The following SUGCT variants were observed in gnomAD, a reference collection of about 807,000 sequenced individuals.
SUGCT encodes the protein succinyl-CoA:glutarate CoA-transferase.
In SUGCT, 41 loss-of-function variants were observed where a neutral mutation model predicts 55.0. The ratio of observed to expected loss-of-function variants is 0.74; its 90% CI spans 0.58 to 0.97. The LOEUF is 0.97. Ranked by LOEUF, SUGCT falls within the 50% of genes least tolerant of loss-of-function variation. The pLI is 0.00. For missense variants in SUGCT, 568 were observed against 547.8 expected, an observed-to-expected ratio of 1.04 and a Z score of -0.37; for synonymous variants, 187 against 200.4, an observed-to-expected ratio of 0.93 and a Z score of 0.56.
intron 8 of SUGCT, among the ~76,000 whole-genome samples, chr7:40,301,652 C>A (rs553288513): frequency 6.6e-6 from 1 of 152,306 alleles, no homozygotes; most frequent in South Asian, 2.1e-4. Context: ...GGGAACCATT[C>A]CACAGAAGCT....
intron 12 of SUGCT, among the ~76,000 whole-genome samples, chr7:40,689,607 C>T (rs568296786): frequency 1.1e-4 from 17 of 152,154 alleles, no homozygotes; most frequent in Non-Finnish European, 2.4e-4. Flanking sequence ...ATATAGCCAA[C>T]ACAGAAAATC....
At chr7:40,242,933 A>AT (rs70996894) in intron 7 of SUGCT, among the ~76,000 whole-genome samples, 11 of 17,210 alleles carry the variant, frequency 6.4e-4, no homozygotes, top group Admixed American at 1.4e-3. Context: ...ATATATATAT[A>AT]TTTTTTTTTT....
intron 9 of SUGCT, among the ~76,000 whole-genome samples, chr7:40,345,972 T>A (rs994711087): frequency 6.6e-6 from 1 of 151,970 alleles, no homozygotes; most frequent in Non-Finnish European, 1.5e-5. Flanking sequence ...TATATTAATT[T>A]TTTGTACATG....
At chr7:40,408,690 C>T (rs1049053380) in intron 9 of SUGCT, among the ~76,000 whole-genome samples, 20 of 151,970 alleles carry the variant, frequency 1.3e-4, no homozygotes, top group African/African-American at 2.4e-4. Context: ...TTTCTAATTA[C>T]GAAATGGAAG....
chr7:40,437,088 T>C (rs1788219198), intron 9 of SUGCT, among the ~76,000 whole-genome samples: 1 of 152,232 alleles, frequency 6.6e-6, no homozygotes, highest in East Asian at 1.9e-4. Context: ...ACATGATAAC[T>C]GCCTTCTTGA....
chr7:40,562,035 C>T (rs948050861), intron 12 of SUGCT, among the ~76,000 whole-genome samples: 1 of 150,372 alleles, frequency 6.7e-6, no homozygotes, highest in Non-Finnish European at 1.5e-5. Context: ...CGCAGTGGCT[C>T]ATGCCTGTAA....
At chr7:40,620,995 A>G (rs995408547) in intron 12 of SUGCT, among the ~76,000 whole-genome samples, 12 of 152,152 alleles carry the variant, frequency 7.9e-5, no homozygotes, top group African/African-American at 2.9e-4. Context: ...CAGAGAGAGG[A>G]GGATGTTTTG....
At chr7:40,674,367 A>G (rs1224683245) in intron 12 of SUGCT, among the ~76,000 whole-genome samples, 2 of 152,230 alleles carry the variant, frequency 1.3e-5, no homozygotes, top group Non-Finnish European at 2.9e-5. Flanking sequence ...TAAGTCCTTT[A>G]AGGATGGGCA....
chr7:40,450,318 A>T lies in SUGCT; in HGVS notation c.888+960A>T, dbSNP rs1477061583. On this transcript the variant is annotated intron_variant, in intron 10 of 13. Transcript: ENST00000335693. ...AATTTTAGAACTTAGGTATCTGTTC[A>T]TTTTTTCTGGTTTTAATCCAAGTAA... Among the ~76,000 whole-genome samples the T allele has an allele frequency of 4.7e-5, 7 of 149,206 alleles. No homozygotes were observed. In the South Asian group the frequency reaches 1.5e-3, roughly 32 times the overall value.
intron 8 of SUGCT, among the ~76,000 whole-genome samples, chr7:40,296,428 G>C (rs576993852): frequency 3.3e-5 from 5 of 152,100 alleles, no homozygotes; most frequent in Non-Finnish European, 1.5e-5. Context: ...TCTGGAGAAG[G>C]CTTTTTGTGT....
At chr7:40,997,648 C>A in the SUGCT span, among the ~76,000 whole-genome samples, 3 of 152,154 alleles carry the variant, frequency 2.0e-5, no homozygotes, top group Non-Finnish European at 4.4e-5. Flanking sequence ...AAACGCATCA[C>A]CCTGGTTCAA....
chr7:40,860,412 G>A lies in SUGCT; in HGVS notation c.1250G>A (p.Arg417Lys). 7 of 1,613,974 alleles carry A rather than the reference G, an allele frequency of 4.3e-6. No homozygotes were observed. Among genetic ancestry groups the A allele is most frequent in the Non-Finnish European group, 5.9e-6 (7 of 1,179,836 alleles). ...HTTHILKEVL[R>K]YDDRAIGELL... ...ACGCACATCCTGAAGGAGGTCCTGAGATACGATGACAGGGCCATCGGGGAG... is the reference window on the plus strand; with the variant it reads ...ACGCACATCCTGAAGGAGGTCCTGAAATACGATGACAGGGCCATCGGGGAG... Residue 417 changes from arginine (R) to lysine (K), a missense_variant, in exon 14 of 14, where the codon AGA (arginine) becomes AAA (lysine). Arg to Lys is a conservative substitution (Grantham distance 26, BLOSUM62 2). Coordinates refer to ENST00000335693, the MANE Select transcript of SUGCT (RefSeq NM_001193313.2).
At chr7:40,550,558 A>T (rs1431186484) in intron 12 of SUGCT, among the ~76,000 whole-genome samples, 2 of 152,252 alleles carry the variant, frequency 1.3e-5, no homozygotes, top group Non-Finnish European at 2.9e-5. Flanking sequence ...TGTTATACAT[A>T]CAATATCCTT....
At chr7:40,878,030 A>T in the SUGCT span, among the ~76,000 whole-genome samples, 3 of 152,222 alleles carry the variant, frequency 2.0e-5, no homozygotes, top group African/African-American at 4.8e-5. Context: ...GATAGAAAGT[A>T]TCACATTTCT....
chr7:40,364,580 G>T (rs1783826119), intron 9 of SUGCT, among the ~76,000 whole-genome samples: 2 of 152,250 alleles, frequency 1.3e-5, no homozygotes, highest in South Asian at 2.1e-4. Flanking sequence ...ATGAAGCTTA[G>T]TTTGGGTGGA....
chr7:40,589,235 T>C (rs1278644179), intron 12 of SUGCT, among the ~76,000 whole-genome samples: 1 of 152,098 alleles, frequency 6.6e-6, no homozygotes, highest in Non-Finnish European at 1.5e-5. Flanking sequence ...TTTTTCTTCT[T>C]ATAATTCCAC....
At chr7:40,744,949 A>G (rs1409314094) in intron 12 of SUGCT, among the ~76,000 whole-genome samples, 1 of 152,204 alleles carries the variant, frequency 6.6e-6, no homozygotes, top group African/African-American at 2.4e-5. Context: ...TTTGTTATGG[A>G]GCTTAAACTG....
intron 8 of SUGCT, among the ~76,000 whole-genome samples, chr7:40,303,545 G>A (rs1198752334): frequency 5.3e-5 from 8 of 151,300 alleles, no homozygotes; most frequent in African/African-American, 1.5e-4. Context: ...GTACAGTGGC[G>A]CGATCTTGAC....
At chr7:40,347,801 A>G (rs548950241) in intron 9 of SUGCT, among the ~76,000 whole-genome samples, 26 of 152,248 alleles carry the variant, frequency 1.7e-4, no homozygotes, top group South Asian at 6.2e-4. Context: ...TGTGATAGAC[A>G]TATACAAACA....
Sources: allele counts gnomAD v4.1 joint callset (sites outside exome capture counted in the v4.1 genomes callset), GRCh38; gene constraint gnomAD v4.1.1; transcripts MANE v1.5; gene names NCBI Gene and HGNC (gene_info 2026-07-23, HGNC 2026-07-21).